The following CFAP53 variants were observed in gnomAD, a reference collection of about 807,000 sequenced individuals.
The protein encoded by CFAP53 is cilia- and flagella-associated protein 53.
In CFAP53, 62 loss-of-function variants were observed where a neutral mutation model predicts 59.7. That is an observed-to-expected ratio of 1.04 (90% CI 0.85 to 1.28). CFAP53 has a LOEUF of 1.28. Among genes scored for constraint, CFAP53 ranks in the 50% most tolerant of loss-of-function variants. The pLI is 0.00. For synonymous variants in CFAP53, 218 were observed against 205.7 expected, an observed-to-expected ratio of 1.06 and a Z score of -0.51; for missense variants, 629 against 615.6, an observed-to-expected ratio of 1.02 and a Z score of -0.23.
intron 1 of CFAP53, among the ~76,000 whole-genome samples, chr18:50,263,957 C>G (rs938423553): frequency 6.6e-6 from 1 of 152,160 alleles, no homozygotes; most frequent in African/African-American, 2.4e-5. Context: ...AAAGGTGATG[C>G]CAATCCCAGC....
intron 5 of CFAP53, among the ~76,000 whole-genome samples, chr18:50,250,254 A>C (rs1301429677): frequency 6.6e-6 from 1 of 151,246 alleles, no homozygotes; most frequent in Non-Finnish European, 1.5e-5. Context: ...GAGAGAGAGA[A>C]GTTTAATTAA....
At chr18:50,253,331 T>TA (rs1449748782) in intron 3 of CFAP53, among the ~76,000 whole-genome samples, 1 of 152,230 alleles carries the variant, frequency 6.6e-6, no homozygotes, top group Non-Finnish European at 1.5e-5. Context: ...ACCCAGTTTC[T>TA]AAAAAAATAA....
chr18:50,250,231 A>G (rs1365753230), intron 5 of CFAP53, among the ~76,000 whole-genome samples: 1 of 143,554 alleles, frequency 7.0e-6, no homozygotes, highest in East Asian at 2.0e-4. Context: ...AAAAAAAAAA[A>G]AAAAAAGAGA....
intron 5 of CFAP53, among the ~76,000 whole-genome samples, chr18:50,249,813 C>T (rs1196104212): frequency 1.3e-5 from 2 of 152,172 alleles, no homozygotes; most frequent in Admixed American, 6.5e-5. Context: ...AACATCCTGA[C>T]TGGCATGGTA....
chr18:50,231,710 G>T (rs2033585433), intron 7 of CFAP53, among the ~76,000 whole-genome samples: 1 of 152,230 alleles, frequency 6.6e-6, no homozygotes. Flanking sequence ...AGAGAGGAAG[G>T]CTTCCTCCTA....
chr18:50,234,667 C>A (rs1330917253), intron 7 of CFAP53, among the ~76,000 whole-genome samples: 3 of 152,196 alleles, frequency 2.0e-5, no homozygotes, highest in African/African-American at 7.2e-5. Flanking sequence ...ATAGTTGCAG[C>A]AATACCTGGA....
chr18:50,240,061 ACTGCTCCACCCTGACTCATTCAGATTAC>A (rs1181170492), intron 6 of CFAP53, among the ~76,000 whole-genome samples: 13 of 152,244 alleles, frequency 8.5e-5, no homozygotes, highest in Non-Finnish European at 7.4e-5. Context: ...TTTTTGATCA[ACTGCTCCACCCTGACTCATTCAGATTAC>A]CTGCTCCACC....
chr18:50,241,853 G>A (rs1226771282), intron 6 of CFAP53, among the ~76,000 whole-genome samples: 2 of 152,224 alleles, frequency 1.3e-5, no homozygotes, highest in Non-Finnish European at 2.9e-5. Context: ...TAGGAAACAG[G>A]GTTCGAGAGC....
At position 50,248,020 on chromosome 18, in the gene CFAP53, G is replaced by C. The variant is rs2033761085; in HGVS notation, c.996+2738C>G. On this transcript the variant is annotated intron_variant, in intron 5 of 7. Transcript: ENST00000398545. ...CAGGAAAAAGAAATCAAATAAGCAA[G>C]TCAATTAGATAATGGACAAAAACCA... Among the ~76,000 whole-genome samples the C allele has an allele frequency of 2.0e-5, 3 of 151,742 alleles. No homozygotes were observed. The South Asian group carries it at 6.2e-4, about 32-fold the overall frequency.
intron 1 of CFAP53, among the ~76,000 whole-genome samples, chr18:50,265,519 G>A (rs965669976): frequency 3.9e-5 from 6 of 152,306 alleles, no homozygotes; most frequent in Middle Eastern, 3.4e-3. Context: ...TCCTTGAAGG[G>A]AGGGCTCAGG....
At chr18:50,247,607 C>T (rs2033757226) in intron 5 of CFAP53, among the ~76,000 whole-genome samples, 1 of 152,204 alleles carries the variant, frequency 6.6e-6, no homozygotes, top group South Asian at 2.1e-4. Context: ...CATATCCATA[C>T]AATGGAATAT....
At chr18:50,266,291 AGAT>A in intron 1 of CFAP53, 42 bp downstream of exon 1, 1 of 1,591,048 alleles carries the variant, frequency 6.3e-7, no homozygotes, top group Non-Finnish European at 8.6e-7. Flanking sequence ...GAGTGCGGAG[AGAT>A]GGAGAAAGCT....
chr18:50,232,453 C>A (rs1194795797), intron 7 of CFAP53, among the ~76,000 whole-genome samples: 2 of 152,208 alleles, frequency 1.3e-5, no homozygotes, highest in Non-Finnish European at 2.9e-5. Context: ...CCAGCCCCTC[C>A]AGGTTTCCCT....
chr18:50,241,575 G>A (rs1418210428), intron 6 of CFAP53, among the ~76,000 whole-genome samples: 1 of 152,124 alleles, frequency 6.6e-6, no homozygotes, highest in Admixed American at 6.5e-5. Flanking sequence ...GAGAAATAAA[G>A]AGAAAGAGTA....
Position 50,241,249 on chromosome 18 carries a change from G to A in CFAP53, c.1213+1651C>T, listed in dbSNP as rs138696541. On this transcript the variant is annotated intron_variant, in intron 6 of 7. Transcript: ENST00000398545. Reference sequence around the variant, plus strand: ...ACCTAGTAACCAATGTGGATTGAATGTAAGTATTAAAAAGGGGAAAGATTC... The same window carrying A: ...ACCTAGTAACCAATGTGGATTGAATATAAGTATTAAAAAGGGGAAAGATTC... Among the ~76,000 whole-genome samples the A allele has an allele frequency of 1.1e-3, 165 of 152,308 alleles. 1 individual carries two copies. The Middle Eastern group carries it at 0.02, about 19-fold the overall frequency.
At chr18:50,265,529 G>C (rs993201274) in intron 1 of CFAP53, among the ~76,000 whole-genome samples, 1 of 152,150 alleles carries the variant, frequency 6.6e-6, no homozygotes, top group African/African-American at 2.4e-5. Context: ...GAGGGCTCAG[G>C]CTTCAATAAA....
At chr18:50,253,012 C>T (rs921984009) in intron 3 of CFAP53, among the ~76,000 whole-genome samples, 4 of 151,862 alleles carry the variant, frequency 2.6e-5, no homozygotes, top group African/African-American at 7.3e-5. Context: ...CAGTAAGACC[C>T]TGTTTCTTTT....
At chr18:50,244,419 T>C (rs2033722973) in intron 5 of CFAP53, among the ~76,000 whole-genome samples, 1 of 152,174 alleles carries the variant, frequency 6.6e-6, no homozygotes, top group African/African-American at 2.4e-5. Flanking sequence ...ATTTTAAGTT[T>C]CCTGAGCCTT....
intron 1 of CFAP53, 78 bp from the exon 2 acceptor site, chr18:50,262,297 C>A (rs2033901529): frequency 8.5e-7 from 1 of 1,182,514 alleles, no homozygotes. Context: ...TGCTCTCAAT[C>A]AATACTCATA....
Sources: allele counts gnomAD v4.1 joint callset (sites outside exome capture counted in the v4.1 genomes callset), GRCh38; gene constraint gnomAD v4.1.1; transcripts MANE v1.5; gene names NCBI Gene and HGNC (gene_info 2026-07-23, HGNC 2026-07-21).